The following CCDC144A variants were observed in gnomAD, a reference collection of about 807,000 sequenced individuals.
The protein encoded by CCDC144A is coiled-coil domain-containing protein 144A.
Under a neutral mutation model 143.8 loss-of-function variants are expected in CCDC144A, and 41 were observed. The observed-to-expected ratio is 0.29, with a 90% CI of 0.22 to 0.37. The LOEUF (loss-of-function observed/expected upper bound fraction) is 0.37, where lower values mean the gene tolerates loss of function less well. CCDC144A is among the 10% of genes least tolerant of loss of function. The probability of loss-of-function intolerance (pLI) is 1.00; values close to 1 mark genes in which losing one functional copy is unlikely to be tolerated. For missense variants in CCDC144A, 637 were observed against 1,488.8 expected (o/e 0.43, Z 9.41); for synonymous variants, 242 against 517.9 (o/e 0.47, Z 7.23).
chr17:16,674,523 G>A, the CCDC144A span, among the ~76,000 whole-genome samples: 1 of 146,074 alleles, frequency 6.8e-6, no homozygotes, highest in Non-Finnish European at 1.5e-5. Flanking sequence ...CTGGGTGATA[G>A]AGCAAAACCT....
At chr17:16,675,697 TAGATC>T in the CCDC144A span, among the ~76,000 whole-genome samples, 17,002 of 152,028 alleles carry the variant, frequency 0.11, 1,235 homozygotes, top group South Asian at 0.3. Context: ...CTCATGGAGA[TAGATC>T]AGTGGAAAAA....
At chr17:16,674,963 G>C in the CCDC144A span, among the ~76,000 whole-genome samples, 1 of 151,974 alleles carries the variant, frequency 6.6e-6, no homozygotes, top group South Asian at 2.1e-4. Flanking sequence ...ATTTTAAAAT[G>C]TTACCATTGA....
intron 16 of CCDC144A, among the ~76,000 whole-genome samples, chr17:16,772,303 C>T (rs1020080331): frequency 1.1e-4 from 17 of 152,276 alleles, no homozygotes; most frequent in African/African-American, 2.4e-4. Flanking sequence ...CACACAGAAA[C>T]GGTTCTCAGA....
chr17:16,729,784 G>A (rs796623511), intron 9 of CCDC144A, among the ~76,000 whole-genome samples: 6 of 149,912 alleles, frequency 4.0e-5, no homozygotes, highest in South Asian at 2.1e-4. Context: ...AACTCCTGAC[G>A]TCAGGTGATT....
chr17:16,764,963 C>T (rs1915533255), intron 15 of CCDC144A: 2 of 122,796 alleles, frequency 1.6e-5, no homozygotes, highest in Non-Finnish European at 3.3e-5. Context: ...CAAATGTGAC[C>T]AAACAGAATC....
chr17:16,701,632 CAATA>C (rs1028685094), intron 2 of CCDC144A, among the ~76,000 whole-genome samples: 1 of 149,076 alleles, frequency 6.7e-6, no homozygotes. Flanking sequence ...AATATTTAAA[CAATA>C]AAGTTCCATG....
chr17:16,729,991 T>TACACACACAC (rs1555533309), intron 9 of CCDC144A, among the ~76,000 whole-genome samples: 10 of 114,844 alleles, frequency 8.7e-5, no homozygotes, highest in Non-Finnish European at 1.5e-4. Context: ...TATATATATA[T>TACACACACAC]ACACACATAC....
chr17:16,745,945 G>T, intron 12 of CCDC144A: 1 of 1,605,598 alleles, frequency 6.2e-7, no homozygotes, highest in South Asian at 1.1e-5. Flanking sequence ...TCAGGCTCGT[G>T]GTGAGCTCTG....
At chr17:16,708,603 G>A in intron 4 of CCDC144A, 193 bp from the exon 5 acceptor site, 1 of 676,198 alleles carries the variant, frequency 1.5e-6, no homozygotes, top group South Asian at 1.9e-5. Context: ...TTAGTTACAA[G>A]CCAGTGATTT....
At chr17:16,678,899 C>A in the CCDC144A span, among the ~76,000 whole-genome samples, 1 of 151,710 alleles carries the variant, frequency 6.6e-6, no homozygotes, top group African/African-American at 2.4e-5. Flanking sequence ...GGATTACAGG[C>A]GTGTGCCACC....
intron 8 of CCDC144A, among the ~76,000 whole-genome samples, chr17:16,721,968 A>G (rs1307014542): frequency 6.6e-6 from 1 of 152,226 alleles, no homozygotes; most frequent in Non-Finnish European, 1.5e-5. Flanking sequence ...CACTGGCTTC[A>G]GTGCAATGCT....
At chr17:16,770,143 T>G (rs1915769080) in intron 15 of CCDC144A, among the ~76,000 whole-genome samples, 1 of 151,306 alleles carries the variant, frequency 6.6e-6, no homozygotes, top group Non-Finnish European at 1.5e-5. Flanking sequence ...GTTATTTTTT[T>G]ATTTTTATTA....
chr17:16,743,775 AAC>A (rs756613573), intron 12 of CCDC144A, among the ~76,000 whole-genome samples: 149 of 152,254 alleles, frequency 9.8e-4, no homozygotes, highest in Non-Finnish European at 1.5e-3. Context: ...GGTGCAGTTG[AAC>A]CTATCACCCA....
chr17:16,668,700 T>C, the CCDC144A span, among the ~76,000 whole-genome samples: 1 of 152,376 alleles, frequency 6.6e-6, no homozygotes, highest in East Asian at 1.9e-4. Context: ...AGTATTTACA[T>C]GCTGTATTAG....
intron 12 of CCDC144A, among the ~76,000 whole-genome samples, chr17:16,742,165 A>T (rs553771685): frequency 6.9e-4 from 105 of 152,134 alleles, no homozygotes; most frequent in African/African-American, 2.5e-3. Context: ...CCTCCTATGT[A>T]ACTGTAATCT....
At chr17:16,682,906 T>G in the CCDC144A span, among the ~76,000 whole-genome samples, 31 of 123,768 alleles carry the variant, frequency 2.5e-4, 1 homozygote, top group Admixed American at 2.4e-3. Context: ...TTTTTTTTTT[T>G]TTTTTTTTTT....
At chr17:16,706,563 T>A (rs1912074281) in intron 3 of CCDC144A, 1 of 143,778 alleles carries the variant, frequency 7.0e-6, no homozygotes, top group African/African-American at 2.7e-5. Flanking sequence ...GCTCTCACTC[T>A]TTCCTGTCCC....
chr17:16,764,546 A>T (rs1369327446), intron 15 of CCDC144A: 2 of 292,516 alleles, frequency 6.8e-6, no homozygotes, highest in African/African-American at 4.6e-5. Context: ...TCACTTTTAA[A>T]GTTTTTCTGC....
intron 12 of CCDC144A, chr17:16,746,545 A>G: frequency 6.2e-7 from 1 of 1,613,698 alleles, no homozygotes; most frequent in South Asian, 1.1e-5. Context: ...TATATTCTGG[A>G]TCTTTGCTGT....
Sources: allele counts gnomAD v4.1 joint callset (sites outside exome capture counted in the v4.1 genomes callset), GRCh38; gene constraint gnomAD v4.1.1; transcripts MANE v1.5; gene names NCBI Gene and HGNC (gene_info 2026-07-23, HGNC 2026-07-21).